C10orf90: variants seen among roughly 807,000 people sequenced by gnomAD.
C10orf90 encodes the protein chromosome 10 open reading frame 90.
Under a neutral mutation model 62.5 loss-of-function variants are expected in C10orf90, and 56 were observed. That is an observed-to-expected ratio of 0.90 (90% confidence interval 0.72 to 1.12). The LOEUF is 1.12. Among genes scored for constraint, C10orf90 ranks in the 50% most tolerant of loss-of-function variants. C10orf90 has a pLI of 0.00. For missense variants in C10orf90, 970 were observed against 880.4 expected (o/e 1.10, Z -1.29); for synonymous variants, 386 against 340.4 (o/e 1.13, Z -1.47).
At chr10:126,515,344 A>G (rs1863380800) in intron 2 of C10orf90, among the ~76,000 whole-genome samples, 1 of 152,148 alleles carries the variant, frequency 6.6e-6, no homozygotes, top group South Asian at 2.1e-4. Flanking sequence ...ACTCATCCAG[A>G]TCAACTTCCA....
intron 2 of C10orf90, among the ~76,000 whole-genome samples, chr10:126,603,682 C>T (rs566167516): frequency 3.3e-4 from 50 of 152,148 alleles, no homozygotes; most frequent in African/African-American, 1.0e-3. Context: ...GATGTGAAGG[C>T]GAAGTGTGAT....
intron 2 of C10orf90, among the ~76,000 whole-genome samples, chr10:126,561,498 T>C (rs1272848971): frequency 6.6e-6 from 1 of 152,182 alleles, no homozygotes; most frequent in Non-Finnish European, 1.5e-5. Flanking sequence ...TACACAAGTT[T>C]CTGCTGAATT....
intron 2 of C10orf90, among the ~76,000 whole-genome samples, chr10:126,579,153 C>A (rs72839042): frequency 6.6e-6 from 1 of 152,006 alleles, no homozygotes; most frequent in African/African-American, 2.4e-5. Flanking sequence ...TACGCCATAT[C>A]CTTTCCTCTA....
chr10:126,566,650 T>A (rs1844396914), intron 2 of C10orf90, among the ~76,000 whole-genome samples: 1 of 152,138 alleles, frequency 6.6e-6, no homozygotes, highest in African/African-American at 2.4e-5. Context: ...GGACGTCGGT[T>A]GAGGTTGAGG....
chr10:126,607,573 C>T (rs1380988879), intron 2 of C10orf90, among the ~76,000 whole-genome samples: 1 of 152,118 alleles, frequency 6.6e-6, no homozygotes, highest in Non-Finnish European at 1.5e-5. Flanking sequence ...CCTCCTTTAT[C>T]CTGACAGATT....
intron 2 of C10orf90, among the ~76,000 whole-genome samples, chr10:126,640,568 G>A (rs1341756663): frequency 6.6e-6 from 1 of 152,218 alleles, no homozygotes; most frequent in Non-Finnish European, 1.5e-5. Context: ...AGTCAGCAAG[G>A]TCACGTGAAA....
chr10:126,580,702 C>T (rs1457663205), intron 2 of C10orf90, among the ~76,000 whole-genome samples: 16 of 151,466 alleles, frequency 1.1e-4, no homozygotes. Flanking sequence ...TCTCCTTCTC[C>T]ACAGCACAAA....
chr10:126,597,560 G>T (rs551052873), intron 2 of C10orf90, among the ~76,000 whole-genome samples: 1 of 152,310 alleles, frequency 6.6e-6, no homozygotes, highest in South Asian at 2.1e-4. Context: ...AAGACAATTG[G>T]ATGCTGGCAA....
chr10:126,536,597 T>C (rs78140799), intron 2 of C10orf90, among the ~76,000 whole-genome samples: 1,674 of 152,270 alleles, frequency 0.011, 38 homozygotes, highest in African/African-American at 0.038. Flanking sequence ...CCCACCAAGC[T>C]ACACTGGCAT....
intron 1 of C10orf90, among the ~76,000 whole-genome samples, chr10:126,665,255 A>G (rs1004063270): frequency 6.6e-6 from 1 of 152,172 alleles, no homozygotes; most frequent in Non-Finnish European, 1.5e-5. Flanking sequence ...CCGGGACTTC[A>G]GGGGGAAAGG....
intron 2 of C10orf90, among the ~76,000 whole-genome samples, chr10:126,625,339 G>A (rs553131940): frequency 1.4e-4 from 22 of 152,310 alleles, no homozygotes; most frequent in African/African-American, 5.1e-4. Flanking sequence ...ATGTCCATTA[G>A]CATAGTGAGG....
In C10orf90 at chr10:126,428,851, C is replaced by T. The variant is rs575630584; in HGVS notation, c.2252+936G>A. Among the ~76,000 whole-genome samples, 69 of 152,210 alleles carry T rather than the reference C, an allele frequency of 4.5e-4. 1 individual carries two copies. The highest frequency in any genetic ancestry group is 5.2e-4 in the Admixed American group (8 of 15,288). On this transcript the variant is annotated intron_variant, in intron 8 of 9. Transcript: ENST00000488181. The stretch of plus-strand genomic sequence containing the variant: ...TTTAAAAACTCCAATTAGAATGCTA[C>T]GAATCAGGTCTTTAATGGGACGGTC...
At chr10:126,512,382 GTGTC>G (rs1863176382) in intron 3 of C10orf90, among the ~76,000 whole-genome samples, 1 of 69,732 alleles carries the variant, frequency 1.4e-5, no homozygotes, top group East Asian at 4.7e-4. Context: ...CTGTGTGTGT[GTGTC>G]TGTGTGTGTG....
chr10:126,518,148 G>A (rs1373691762), intron 2 of C10orf90, among the ~76,000 whole-genome samples: 3 of 151,980 alleles, frequency 2.0e-5, no homozygotes, highest in African/African-American at 4.8e-5. Context: ...CCCGAGACAG[G>A]GTCCTACCCC....
chr10:126,498,867 T>G (rs920869306), intron 4 of C10orf90, among the ~76,000 whole-genome samples: 2 of 152,180 alleles, frequency 1.3e-5, no homozygotes, highest in African/African-American at 4.8e-5. Context: ...GCAGAACACC[T>G]TCTCCCTCTG....
chr10:126,571,516 G>A (rs1844505771), intron 2 of C10orf90, among the ~76,000 whole-genome samples: 1 of 152,222 alleles, frequency 6.6e-6, no homozygotes, highest in South Asian at 2.1e-4. Context: ...CACCCTGGAA[G>A]GATGCAGAGG....
rs1037973928 is a variant in C10orf90 at position 126,434,751 on chromosome 10, A to G, written c.2189-4901T>C. Among the ~76,000 whole-genome samples the G allele has an allele frequency of 3.3e-5, 5 of 152,212 alleles. No homozygotes were observed. In the South Asian group the frequency reaches 6.2e-4, roughly 19 times the overall value. On this transcript the variant is annotated intron_variant, in intron 7 of 9. Transcript: ENST00000488181. ...TTCTAAGATCACAAGGCTGTGCATT[A>G]TGCAATTCCAAAGTCACTAGGTCTC...
chr10:126,532,424 C>T (rs1285070953), intron 2 of C10orf90, among the ~76,000 whole-genome samples: 1 of 152,040 alleles, frequency 6.6e-6, no homozygotes, highest in Non-Finnish European at 1.5e-5. Flanking sequence ...TCCCAGAAAC[C>T]TCAGAGAAGA....
chr10:126,589,484 C>A (rs1011030001), intron 2 of C10orf90, among the ~76,000 whole-genome samples: 2 of 152,144 alleles, frequency 1.3e-5, no homozygotes, highest in Admixed American at 1.3e-4. Flanking sequence ...CAAAGGGAAG[C>A]CCATCAGACT....
Sources: gnomAD v4.1 joint callset for allele counts (sites outside exome capture counted in the v4.1 genomes callset) on GRCh38, gnomAD v4.1.1 for gene constraint, MANE v1.5 for transcripts, NCBI Gene and HGNC (gene_info 2026-07-23, HGNC 2026-07-21) for gene names.